ANP32A: variants seen among roughly 807,000 people sequenced by gnomAD.
ANP32A encodes the protein acidic nuclear phosphoprotein 32 family member A, also known as acidic leucine-rich nuclear phosphoprotein 32 family member A.
A neutral mutation model predicts 33.9 loss-of-function variants in ANP32A; 1 was observed. That is an observed-to-expected ratio of 0.03 (90% CI 0.01 to 0.14). The LOEUF (loss-of-function observed/expected upper bound fraction) is 0.14. ANP32A is among the 10% of genes least tolerant of loss of function. The pLI is 1.00. For missense variants in ANP32A, 155 were observed against 306.0 expected (o/e 0.51, Z 3.68); for synonymous variants, 115 against 120.5 (o/e 0.95, Z 0.30).
In ANP32A at chr15:68,780,005, G is replaced by T; in HGVS notation, c.*76C>A. 1 of 1,354,950 alleles carries T rather than the reference G, an allele frequency of 7.4e-7. No individual in the cohort carries two copies. Among genetic ancestry groups the T allele is most frequent in the Non-Finnish European group, 1.0e-6 (1 of 975,916 alleles). The allele number at this position is 1,354,950 out of a possible 1,614,324, so 83.9% of individuals were successfully genotyped here. A position where few individuals can be genotyped will look rare whatever the true frequency, so the allele number is the denominator to read the frequency against. On this transcript the variant is annotated 3_prime_UTR_variant, in exon 7 of 7. Transcript: ENST00000465139. The surrounding 1 kb of genome is among the most constrained non-coding windows in gnomAD (Gnocchi z 4.3). ...AAAATAAGTTTCAGGGGGCAGGATT[G>T]GAGGGGGGGGGGAGAGGGGATATGG...
chr15:68,807,431 G>GGT (rs1555424029), intron 1 of ANP32A, among the ~76,000 whole-genome samples: 2 of 141,652 alleles, frequency 1.4e-5, no homozygotes, highest in Non-Finnish European at 3.1e-5. Context: ...AGAAAACGGG[G>GGT]GGGGGGGAGT....
chr15:68,787,170 G>A (rs148252785), intron 3 of ANP32A: 2 of 501,808 alleles, frequency 4.0e-6, no homozygotes, highest in Admixed American at 6.6e-5. Context: ...TGAAACTAGG[G>A]TTCTACGCTA....
intron 1 of ANP32A, among the ~76,000 whole-genome samples, chr15:68,794,149 G>T (rs757893733): frequency 6.6e-6 from 1 of 152,184 alleles, no homozygotes; most frequent in Non-Finnish European, 1.5e-5. Context: ...CCCCAGCTTG[G>T]AAAAAGCCAC....
chr15:68,820,162 A>G (rs1407546555), intron 1 of ANP32A, among the ~76,000 whole-genome samples: 1 of 152,118 alleles, frequency 6.6e-6, no homozygotes, highest in Non-Finnish European at 1.5e-5. Context: ...CGGACTCGCG[A>G]AGCCCCAAAC....
At chr15:68,819,255 C>T (rs1302707093) in intron 1 of ANP32A, among the ~76,000 whole-genome samples, 1 of 151,990 alleles carries the variant, frequency 6.6e-6, no homozygotes, top group Non-Finnish European at 1.5e-5. Flanking sequence ...CGTCCCCGGT[C>T]CCCCCAAGGG....
intron 2 of ANP32A, 24 bp downstream of exon 2, chr15:68,787,744 GCA>G: frequency 1.8e-6 from 2 of 1,119,404 alleles, no homozygotes; most frequent in Non-Finnish European, 1.4e-6. Context: ...CCGCCTCCCA[GCA>G]CACACAGACT....
At chr15:68,819,966 G>C (rs1396342845) in intron 1 of ANP32A, among the ~76,000 whole-genome samples, 1 of 152,160 alleles carries the variant, frequency 6.6e-6, no homozygotes, top group African/African-American at 2.4e-5. Flanking sequence ...GAGAAAGGGA[G>C]GGAGGGAGAG....
At chr15:68,783,111 C>T in intron 4 of ANP32A, 58 bp from the exon 5 acceptor site, 3 of 1,547,448 alleles carry the variant, frequency 1.9e-6, no homozygotes, top group Non-Finnish European at 2.6e-6. Context: ...CTCCGCCCCC[C>T]ACACAGCACA....
intron 1 of ANP32A, chr15:68,789,356 G>C (rs1431851873): frequency 6.6e-6 from 1 of 152,402 alleles, no homozygotes; most frequent in Non-Finnish European, 1.5e-5. Context: ...GTCCAGCATT[G>C]TTCAAAGGGT....
rs149804003 is a variant in ANP32A at position 68,793,522 on chromosome 15, G to C, written c.55-5603C>G. On this transcript the variant is annotated intron_variant, in intron 1 of 6. Coordinates refer to ENST00000465139, the MANE Select transcript of ANP32A (RefSeq NM_006305.4). ...GAAGAAACAGTAAGCCAAGGTCGGG[G>C]TCCTTGCCAGCAAGAGGTGTGGTGG... Among the ~76,000 whole-genome samples the C allele has an allele frequency of 2.8e-3, 426 of 152,228 alleles. 2 individuals carry two copies. The highest frequency in any genetic ancestry group is 4.7e-3 in the African/African-American group (194 of 41,540).
chr15:68,806,817 T>A (rs148072475), intron 1 of ANP32A, among the ~76,000 whole-genome samples: 3 of 152,232 alleles, frequency 2.0e-5, no homozygotes, highest in Admixed American at 2.0e-4. Context: ...TGGGTGGCTG[T>A]GAAGGCCAGT....
chr15:68,811,406 A>G lies in ANP32A; in HGVS notation c.54+9292T>C, dbSNP rs953661161. ...AGGGAGGGATGGACAAGACAAGAAGACCACTGAACTGGGAGGGATTAAGGC... is the reference window on the plus strand; with the variant it reads ...AGGGAGGGATGGACAAGACAAGAAGGCCACTGAACTGGGAGGGATTAAGGC... On this transcript the variant is annotated intron_variant, in intron 1 of 6. Transcript: ENST00000465139. 2.0e-5 allele frequency among the ~76,000 whole-genome samples: 3 copies of G among 152,152 alleles called. No individual in the cohort carries two copies. The East Asian group carries it at 5.8e-4, about 29-fold the overall frequency.
intron 1 of ANP32A, among the ~76,000 whole-genome samples, chr15:68,809,964 A>C (rs1487723004): frequency 6.6e-6 from 1 of 152,208 alleles, no homozygotes; most frequent in East Asian, 1.9e-4. Context: ...ATGTAGTTAC[A>C]AACTGAAGCA....
intron 1 of ANP32A, among the ~76,000 whole-genome samples, chr15:68,814,377 C>T (rs369704108): frequency 3.3e-5 from 5 of 150,646 alleles, no homozygotes; most frequent in Admixed American, 6.6e-5. Flanking sequence ...CTGGGCAACA[C>T]GGCAAAACCC....
chr15:68,797,395 A>AC (rs1894077110), intron 1 of ANP32A, among the ~76,000 whole-genome samples: 1 of 152,198 alleles, frequency 6.6e-6, no homozygotes, highest in Non-Finnish European at 1.5e-5. Flanking sequence ...ACAGCACTGC[A>AC]CCCATGCAAC....
intron 1 of ANP32A, among the ~76,000 whole-genome samples, chr15:68,820,374 C>T (rs1220419253): frequency 1.3e-5 from 2 of 152,210 alleles, no homozygotes; most frequent in Non-Finnish European, 2.9e-5. Context: ...GGTGATTTCG[C>T]CTCATTCTCT....
chr15:68,780,056 A>G lies in ANP32A; in HGVS notation c.*25T>C. 2 of 1,611,366 alleles carry G rather than the reference A, an allele frequency of 1.2e-6. No homozygotes were observed. The highest frequency in any genetic ancestry group is 1.7e-6 in the Non-Finnish European group (2 of 1,178,064). On this transcript the variant is annotated 3_prime_UTR_variant, in exon 7 of 7. Transcript: ENST00000465139. This position sits in a 1 kb window ranked among gnomAD's most constrained non-coding sequence, Gnocchi z 4.3. ...GTAAAAACAGTCAAATCACAATAGG[A>G]ATTTTTCAAAATAGGTTATTCCACT...
At chr15:68,784,295 G>A (rs1893905501) in intron 4 of ANP32A, 102 bp downstream of exon 4, 2 of 1,338,196 alleles carry the variant, frequency 1.5e-6, no homozygotes, top group African/African-American at 1.5e-5. Context: ...TAGCTGGGTG[G>A]GGGCCTCCCA....
chr15:68,811,040 C>T (rs1027191910), intron 1 of ANP32A, among the ~76,000 whole-genome samples: 2 of 144,868 alleles, frequency 1.4e-5, no homozygotes, highest in African/African-American at 5.1e-5. Flanking sequence ...CCAACATGGG[C>T]CACAGAGTGA....
Sources: gnomAD v4.1 joint callset for allele counts (sites outside exome capture counted in the v4.1 genomes callset) on GRCh38, gnomAD v4.1.1 for gene constraint, Gnocchi (gnomAD v3.1) non-coding constraint, MANE v1.5 for transcripts, NCBI Gene and HGNC (gene_info 2026-07-23, HGNC 2026-07-21) for gene names.